TRDN: variants seen among roughly 807,000 people sequenced by gnomAD.
The protein encoded by TRDN is triadin in skeletal muscle.
TRDN carries 161 observed loss-of-function variants against 149.7 expected under a neutral mutation model. The observed-to-expected ratio is 1.08, with a 90% CI of 0.95 to 1.23. The LOEUF is 1.23. Among genes scored for constraint, TRDN ranks in the 50% most tolerant of loss-of-function variants. TRDN has a pLI of 0.00. For synonymous variants in TRDN, 294 were observed against 250.5 expected, an observed-to-expected ratio of 1.17 and a Z score of -1.64; for missense variants, 896 against 823.5, an observed-to-expected ratio of 1.09 and a Z score of -1.08.
At chr6:123,259,225 G>A (rs1776671628) in intron 35 of TRDN, among the ~76,000 whole-genome samples, 1 of 151,900 alleles carries the variant, frequency 6.6e-6, no homozygotes, top group Non-Finnish European at 1.5e-5. Context: ...TTTTCATTGT[G>A]ATGTTAGGGT....
At chr6:123,609,267 A>G (rs79725285) in intron 1 of TRDN, among the ~76,000 whole-genome samples, 3,334 of 152,278 alleles carry the variant, frequency 0.022, 130 homozygotes, top group East Asian at 0.17. Context: ...CCATGCATAT[A>G]TATGTGGAGT....
chr6:123,593,291 C>T (rs1265665792), intron 1 of TRDN, among the ~76,000 whole-genome samples: 1 of 152,214 alleles, frequency 6.6e-6, no homozygotes, highest in Non-Finnish European at 1.5e-5. Context: ...AATATTCCAT[C>T]ATTTCAGAAG....
chr6:123,265,690 A>T (rs1776920069), intron 32 of TRDN, among the ~76,000 whole-genome samples: 1 of 102,394 alleles, frequency 9.8e-6, no homozygotes, highest in Non-Finnish European at 1.9e-5. Context: ...TCCTTTTGGA[A>T]TACATATTAA....
intron 24 of TRDN, among the ~76,000 whole-genome samples, chr6:123,290,619 T>C (rs1368363377): frequency 6.6e-6 from 1 of 152,160 alleles, no homozygotes; most frequent in African/African-American, 2.4e-5. Context: ...GCTTAAATAA[T>C]GAACTTATTG....
chr6:123,408,743 C>T (rs1773305714), intron 12 of TRDN, among the ~76,000 whole-genome samples: 1 of 151,824 alleles, frequency 6.6e-6, no homozygotes. Flanking sequence ...CTCGACCGTC[C>T]CAGAAGTACC....
chr6:123,477,741 G>A (rs1187214374), intron 9 of TRDN, among the ~76,000 whole-genome samples: 1 of 152,080 alleles, frequency 6.6e-6, no homozygotes. Context: ...AAAAAATGAT[G>A]AGTTCATGTC....
chr6:123,219,810 C>A (rs1775080893), intron 40 of TRDN, among the ~76,000 whole-genome samples: 1 of 151,660 alleles, frequency 6.6e-6, no homozygotes, highest in South Asian at 2.1e-4. Flanking sequence ...GTTATGGGAG[C>A]TTGGGGGTTA....
intron 1 of TRDN, chr6:123,584,028 C>T (rs1783279056): frequency 6.3e-6 from 1 of 157,508 alleles, no homozygotes; most frequent in African/African-American, 2.4e-5. Context: ...GCGATTAGGC[C>T]TAGTGGAACT....
intron 12 of TRDN, 92 bp downstream of exon 12, chr6:123,437,971 T>TGTGTGCAATTTGTGTATGTTGCATGAG: frequency 9.1e-7 from 1 of 1,099,132 alleles, no homozygotes; most frequent in Non-Finnish European, 1.3e-6. Flanking sequence ...TATAAGTAAC[T>TGTGTGCAATTTGTGTATGTTGCATGAG]GTGTGCAATT....
intron 10 of TRDN, among the ~76,000 whole-genome samples, chr6:123,448,741 C>A (rs1461009604): frequency 6.6e-6 from 1 of 152,094 alleles, no homozygotes; most frequent in Non-Finnish European, 1.5e-5. Context: ...CCACCTCCTG[C>A]ACTTTGGTGC....
At chr6:123,237,458 C>T (rs982978529) in intron 38 of TRDN, among the ~76,000 whole-genome samples, 8 of 152,088 alleles carry the variant, frequency 5.3e-5, no homozygotes, top group African/African-American at 1.2e-4. Context: ...CCATCTTGGC[C>T]GGGCTGGTCT....
At chr6:123,225,125 C>G (rs1482944647) in intron 38 of TRDN, among the ~76,000 whole-genome samples, 1 of 138,650 alleles carries the variant, frequency 7.2e-6, no homozygotes, top group East Asian at 2.0e-4. Flanking sequence ...CCAACAGGCA[C>G]GTGGAAAGAT....
chr6:123,379,741 T>C (rs1781643576), intron 16 of TRDN, among the ~76,000 whole-genome samples: 1 of 152,200 alleles, frequency 6.6e-6, no homozygotes, highest in African/African-American at 2.4e-5. Flanking sequence ...GATTTACCCT[T>C]TAACTCTACA....
At position 123,271,141 on chromosome 6, in the gene TRDN, G is replaced by GT. The variant is rs1224610838; in HGVS notation, c.1717dup (p.Thr573AsnfsTer11). ...AAAATATAAAATACCTTATTTACCT[G>GT]TTTTTTCTATTGTGACAGCTTTTAC... is the stretch of plus-strand genomic sequence containing the variant. On this transcript the variant is annotated frameshift_variant, in exon 30 of 41. Coordinates refer to ENST00000334268, the MANE Select transcript of TRDN (RefSeq NM_006073.4). LOFTEE classifies it high-confidence loss of function. 4.6e-6 allele frequency: 7 copies of GT among 1,529,552 alleles called. No homozygotes were observed. The highest frequency in any genetic ancestry group is 2.8e-5 in the African/African-American group (2 of 71,958). The allele number at this position is 1,529,552 out of a possible 1,614,324, so 94.7% of individuals were successfully genotyped here. A position where few individuals can be genotyped will look rare whatever the true frequency, so the allele number is the denominator to read the frequency against.
intron 12 of TRDN, among the ~76,000 whole-genome samples, chr6:123,399,721 G>A (rs966477061): frequency 6.6e-6 from 1 of 152,134 alleles, no homozygotes; most frequent in East Asian, 1.9e-4. Context: ...CAGTGATTAT[G>A]AACACAGATA....
chr6:123,373,181 AG>A (rs1781384636), intron 19 of TRDN, among the ~76,000 whole-genome samples: 1 of 152,154 alleles, frequency 6.6e-6, no homozygotes, highest in Non-Finnish European at 1.5e-5. Flanking sequence ...ACGTTGTGGA[AG>A]GGACCCAGTG....
chr6:123,598,416 G>A (rs1193370004), intron 1 of TRDN, among the ~76,000 whole-genome samples: 1 of 151,908 alleles, frequency 6.6e-6, no homozygotes, highest in African/African-American at 2.4e-5. Context: ...AAAAAAACAT[G>A]AAGTATCAAA....
chr6:123,242,907 T>C (rs1776040959), intron 38 of TRDN, among the ~76,000 whole-genome samples: 1 of 152,106 alleles, frequency 6.6e-6, no homozygotes, highest in African/African-American at 2.4e-5. Flanking sequence ...GAACTCATAT[T>C]GAGCCCCACA....
chr6:123,367,413 C>G (rs1781148164), intron 19 of TRDN, among the ~76,000 whole-genome samples: 1 of 152,110 alleles, frequency 6.6e-6, no homozygotes, highest in South Asian at 2.1e-4. Flanking sequence ...AGCCTTTACA[C>G]CCCTCATCCT....
Sources: gnomAD v4.1 joint callset for allele counts (sites outside exome capture counted in the v4.1 genomes callset) on GRCh38, gnomAD v4.1.1 for gene constraint, MANE v1.5 for transcripts, NCBI Gene and HGNC (gene_info 2026-07-23, HGNC 2026-07-21) for gene names.